DCDC2: variants seen among roughly 807,000 people sequenced by gnomAD.
DCDC2 encodes doublecortin domain-containing protein 2.
Under a neutral mutation model 50.2 loss-of-function variants are expected in DCDC2, and 40 were observed. That is an observed-to-expected ratio of 0.80 (90% CI 0.62 to 1.04). DCDC2 has a LOEUF of 1.04. Among genes scored for constraint, DCDC2 ranks in the 50% least tolerant of loss-of-function variants. The pLI, the probability that DCDC2 is intolerant of heterozygous loss-of-function variation, is 0.00. For synonymous variants in DCDC2, 234 were observed against 210.6 expected, an observed-to-expected ratio of 1.11 and a Z score of -0.96; for missense variants, 570 against 581.9, an observed-to-expected ratio of 0.98 and a Z score of 0.21.
chr6:24,342,628 A>G (rs1172626163), intron 2 of DCDC2, among the ~76,000 whole-genome samples: 1 of 152,154 alleles, frequency 6.6e-6, no homozygotes, highest in Non-Finnish European at 1.5e-5. Flanking sequence ...ATGTATTTCT[A>G]TTTAAAATAG....
upstream of DCDC2, among the ~76,000 whole-genome samples, chr6:24,359,480 T>TTA (rs1554121896): frequency 1.5e-4 from 1 of 6,526 alleles, no homozygotes; most frequent in Non-Finnish European, 5.0e-4. Flanking sequence ...AATATATATT[T>TTA]TATATATAAT....
chr6:24,358,949 T>TATTATATATTATATATTTTATAC (rs1581671483), upstream of DCDC2, among the ~76,000 whole-genome samples: 2 of 74,078 alleles, frequency 2.7e-5, no homozygotes, highest in East Asian at 4.1e-4. Flanking sequence ...ATATATTATA[T>TATTATATATTATATATTTTATAC]ATTATATATT....
intron 8 of DCDC2, among the ~76,000 whole-genome samples, chr6:24,182,912 T>A (rs547173151): frequency 1.3e-5 from 2 of 152,318 alleles, no homozygotes; most frequent in South Asian, 4.1e-4. Flanking sequence ...CAAGTGTTCA[T>A]CAAAAGATGA....
At chr6:24,248,483 C>T (rs1762731959) in intron 7 of DCDC2, among the ~76,000 whole-genome samples, 1 of 152,094 alleles carries the variant, frequency 6.6e-6, no homozygotes, top group South Asian at 2.1e-4. Flanking sequence ...CACAGGATGT[C>T]CTTAATCAGT....
At chr6:24,196,822 G>A (rs1761454407) in intron 8 of DCDC2, among the ~76,000 whole-genome samples, 1 of 152,272 alleles carries the variant, frequency 6.6e-6, no homozygotes, top group Admixed American at 6.5e-5. Flanking sequence ...CTTAATCAAT[G>A]GTAGCTATTG....
chr6:24,341,023 G>A (rs773540373), intron 2 of DCDC2, among the ~76,000 whole-genome samples: 1 of 152,196 alleles, frequency 6.6e-6, no homozygotes, highest in Non-Finnish European at 1.5e-5. Flanking sequence ...ATGGAACCTG[G>A]CCATTATCTA....
chr6:24,364,259 T>A, the DCDC2 span, among the ~76,000 whole-genome samples: 1 of 152,214 alleles, frequency 6.6e-6, no homozygotes, highest in Non-Finnish European at 1.5e-5. Flanking sequence ...TATAAATTTT[T>A]AAATGTTTAT....
intron 7 of DCDC2, among the ~76,000 whole-genome samples, chr6:24,257,857 G>C (rs1040903070): frequency 1.3e-5 from 2 of 152,168 alleles, no homozygotes; most frequent in African/African-American, 4.8e-5. Context: ...TTAAAAATAA[G>C]GAGCTTAAAT....
rs369542435 is a variant in DCDC2, at chr6:24,317,557, T to C, written c.349-15513A>G. ...ATCATACAAGTACTAAAAGAAAACA[T>C]GGGTGAATTCCTCTTTAGCCTTGGT... On this transcript the variant is annotated intron_variant, in intron 2 of 9. Coordinates refer to ENST00000378454, the MANE Select transcript of DCDC2 (RefSeq NM_016356.5). Among the ~76,000 whole-genome samples, 66 of 152,166 alleles carry C rather than the reference T, an allele frequency of 4.3e-4. 2 individuals carry two copies. In the South Asian group the frequency reaches 0.012, roughly 28 times the overall value.
intron 7 of DCDC2, among the ~76,000 whole-genome samples, chr6:24,236,698 AC>A (rs1441702244): frequency 7.9e-5 from 12 of 152,134 alleles, no homozygotes; most frequent in Admixed American, 7.2e-4. Flanking sequence ...AGAAAAAAAA[AC>A]AAACAACCCC....
chr6:24,195,206 G>C (rs1761405957), intron 8 of DCDC2, among the ~76,000 whole-genome samples: 1 of 152,158 alleles, frequency 6.6e-6, no homozygotes, highest in African/African-American at 2.4e-5. Context: ...AGACCAATGA[G>C]TCAGTGACAA....
chr6:24,256,021 G>C (rs376054551), intron 7 of DCDC2, among the ~76,000 whole-genome samples: 4 of 152,082 alleles, frequency 2.6e-5, no homozygotes, highest in Admixed American at 2.6e-4. Flanking sequence ...CACAAAGTAG[G>C]ATACAGTCAT....
chr6:24,343,487 T>C lies in DCDC2; in HGVS notation c.348+10082A>G, dbSNP rs9393551. Among the ~76,000 whole-genome samples, 249 of 152,376 alleles carry C rather than the reference T, an allele frequency of 1.6e-3. 4 individuals carry two copies. In the East Asian group the frequency reaches 0.046, roughly 28 times the overall value. On this transcript the variant is annotated intron_variant, in intron 2 of 9. Coordinates refer to ENST00000378454, the MANE Select transcript of DCDC2 (RefSeq NM_016356.5). ...CTATTATTTATACCATATGGAAATA[T>C]ACTTTCATCAAGACGAGTTCCTCTG... is the stretch of plus-strand genomic sequence containing the variant.
chr6:24,314,976 G>C (rs926145085), intron 2 of DCDC2, among the ~76,000 whole-genome samples: 1 of 151,998 alleles, frequency 6.6e-6, no homozygotes, highest in Non-Finnish European at 1.5e-5. Context: ...TCTTGTAATA[G>C]GACTAAAACC....
intron 8 of DCDC2, among the ~76,000 whole-genome samples, chr6:24,193,315 A>T (rs992650777): frequency 3.3e-5 from 5 of 152,150 alleles, no homozygotes; most frequent in Admixed American, 6.5e-5. Context: ...AAAGAAGAGA[A>T]CCATCCACCA....
intron 7 of DCDC2, among the ~76,000 whole-genome samples, chr6:24,211,634 A>T (rs1380824582): frequency 6.6e-6 from 1 of 152,138 alleles, no homozygotes; most frequent in Non-Finnish European, 1.5e-5. Context: ...TACAGTGCAA[A>T]CAAGACTTGA....
intron 2 of DCDC2, among the ~76,000 whole-genome samples, chr6:24,333,538 T>C (rs1285783492): frequency 1.3e-5 from 2 of 152,212 alleles, no homozygotes; most frequent in African/African-American, 4.8e-5. Flanking sequence ...TGTTCTATTT[T>C]ATGTTTGTAT....
intron 7 of DCDC2, among the ~76,000 whole-genome samples, chr6:24,216,368 G>A (rs966721112): frequency 1.1e-4 from 17 of 152,228 alleles, no homozygotes; most frequent in African/African-American, 3.4e-4. Flanking sequence ...ATGCGGGAAA[G>A]TGGAAGTCAA....
At chr6:24,184,958 G>A (rs896951153) in intron 8 of DCDC2, among the ~76,000 whole-genome samples, 3 of 152,080 alleles carry the variant, frequency 2.0e-5, no homozygotes, top group Non-Finnish European at 4.4e-5. Flanking sequence ...TATGGTCCTC[G>A]CCTCTCTGAG....
Sources: allele counts gnomAD v4.1 joint callset (sites outside exome capture counted in the v4.1 genomes callset), GRCh38; gene constraint gnomAD v4.1.1; transcripts MANE v1.5; gene names NCBI Gene and HGNC (gene_info 2026-07-23, HGNC 2026-07-21).